Variants in DLC1 observed in about 807,000 individuals in gnomAD.
DLC1 encodes DLC1 Rho GTPase activating protein.
Under a neutral mutation model 140.3 loss-of-function variants are expected in DLC1, and 54 were observed. The ratio of observed to expected loss-of-function variants is 0.38; its 90% CI spans 0.31 to 0.48. The LOEUF (loss-of-function observed/expected upper bound fraction) is 0.48, where lower values mean the gene tolerates loss of function less well. DLC1 is among the 20% of genes least tolerant of loss of function. The pLI, the probability that DLC1 is intolerant of heterozygous loss-of-function variation, is 0.96. For synonymous variants in DLC1, 986 were observed against 728.1 expected (o/e 1.35, Z -5.70); for missense variants, 2,536 against 1,907.0 (o/e 1.33, Z -6.14).
intron 4 of DLC1, among the ~76,000 whole-genome samples, chr8:13,392,292 C>T (rs993311057): frequency 2.0e-5 from 3 of 152,090 alleles, no homozygotes; most frequent in Admixed American, 2.0e-4. Flanking sequence ...ATGTTTTATT[C>T]CTCCCCAAGT....
At chr8:13,415,700 A>T (rs1050729092) in intron 2 of DLC1, among the ~76,000 whole-genome samples, 1 of 152,098 alleles carries the variant, frequency 6.6e-6, no homozygotes, top group African/African-American at 2.4e-5. Context: ...CAACCGGCTG[A>T]TTTAATTTTT....
At chr8:13,388,230 G>T (rs569782149) in intron 4 of DLC1, among the ~76,000 whole-genome samples, 2 of 151,808 alleles carry the variant, frequency 1.3e-5, no homozygotes, top group African/African-American at 4.8e-5. Context: ...GTATTTTATT[G>T]GCATTATAAT....
At chr8:13,290,180 G>C (rs551228633) in intron 5 of DLC1, among the ~76,000 whole-genome samples, 39 of 152,274 alleles carry the variant, frequency 2.6e-4, no homozygotes, top group African/African-American at 9.1e-4. Context: ...TAAGCCTTAA[G>C]ATGTTGTTTT....
chr8:13,498,797 T>C (rs1465069321), intron 2 of DLC1: 2 of 381,476 alleles, frequency 5.2e-6, no homozygotes, highest in Non-Finnish European at 9.1e-6. Context: ...CCAATCCTGT[T>C]TTCAACACAA....
Position 13,390,312 on chromosome 8 carries a change from G to C in DLC1, c.1314+3241C>G, listed in dbSNP as rs149670867. Among the ~76,000 whole-genome samples the C allele has an allele frequency of 5.8e-4, 89 of 152,256 alleles. 1 individual carries two copies. Among genetic ancestry groups the C allele is most frequent in the African/African-American group, 2.1e-3 (87 of 41,556 alleles). ...GGACATGGTCTCATTCCTTTTTATG[G>C]CTGCATAGTATTCCATGGTGTATAT... On this transcript the variant is annotated intron_variant, in intron 4 of 17. Transcript: ENST00000276297.
At chr8:13,355,056 C>T (rs2117048396) in intron 4 of DLC1, among the ~76,000 whole-genome samples, 1 of 151,892 alleles carries the variant, frequency 6.6e-6, no homozygotes, top group East Asian at 1.9e-4. Flanking sequence ...TAGTCATAAT[C>T]ATCTTACTGC....
intron 1 of DLC1, chr8:13,559,198 C>T (rs1354635694): frequency 6.6e-6 from 1 of 152,196 alleles, no homozygotes. Context: ...TAGTGCATAC[C>T]TCTCAGCCTT....
intron 1 of DLC1, among the ~76,000 whole-genome samples, chr8:13,547,238 A>C (rs1371688750): frequency 2.0e-5 from 3 of 152,066 alleles, no homozygotes; most frequent in Admixed American, 6.6e-5. Flanking sequence ...CCTTCTGAAT[A>C]TTTTTAGTAA....
At chr8:13,595,848 A>G (rs1805664331) in intron 1 of DLC1, among the ~76,000 whole-genome samples, 1 of 152,028 alleles carries the variant, frequency 6.6e-6, no homozygotes, top group African/African-American at 2.4e-5. Context: ...CAACCTAAAT[A>G]AAATGTTTCC....
chr8:13,194,348 C>T (rs1826931121), intron 5 of DLC1, among the ~76,000 whole-genome samples: 1 of 152,188 alleles, frequency 6.6e-6, no homozygotes, highest in African/African-American at 2.4e-5. Flanking sequence ...GAGTGGGCAG[C>T]TATGAATCAT....
At chr8:13,140,180 G>C (rs1479163197) in intron 5 of DLC1, among the ~76,000 whole-genome samples, 2 of 152,066 alleles carry the variant, frequency 1.3e-5, no homozygotes, top group Admixed American at 6.6e-5. Flanking sequence ...GCTTATAATG[G>C]TTAAATATTT....
chr8:13,508,423 C>CTTTTTT (rs11295861), intron 1 of DLC1, among the ~76,000 whole-genome samples: 1 of 146,370 alleles, frequency 6.8e-6, no homozygotes. Flanking sequence ...ACTTCTTTTT[C>CTTTTTT]TTTTTTTTTT....
intron 5 of DLC1, among the ~76,000 whole-genome samples, chr8:13,206,776 T>C (rs1230413180): frequency 4.6e-5 from 7 of 151,270 alleles, no homozygotes; most frequent in African/African-American, 1.7e-4. Context: ...AGGTAGGGAG[T>C]GGCCACAAAC....
chr8:13,603,613 C>G (rs1328013309), intron 1 of DLC1, among the ~76,000 whole-genome samples: 2 of 152,016 alleles, frequency 1.3e-5, no homozygotes, highest in African/African-American at 4.8e-5. Context: ...ATCATAGTGG[C>G]AATTTAAATC....
rs74660845 is a variant in DLC1 at position 13,575,140 on chromosome 8, G to A, written c.-126+29397C>T. On this transcript the variant is annotated intron_variant, in intron 1 of 1. Coordinates refer to the DLC1 transcript ENST00000631382. Reference sequence around the variant, plus strand: ...ACTGGCAGTCAACTCAAATTACAGCGAAAATTGCAAACTTACATCAAAGTG... The same window carrying A: ...ACTGGCAGTCAACTCAAATTACAGCAAAAATTGCAAACTTACATCAAAGTG... Among the ~76,000 whole-genome samples, 628 of 152,240 alleles carry A rather than the reference G, an allele frequency of 4.1e-3. 4 individuals carry two copies. Among genetic ancestry groups the A allele is most frequent in the Admixed American group, 0.023 (350 of 15,288 alleles).
chr8:13,422,813 A>G (rs1478274793), intron 2 of DLC1, among the ~76,000 whole-genome samples: 2 of 152,050 alleles, frequency 1.3e-5, no homozygotes, highest in African/African-American at 4.8e-5. Context: ...AAAAAAAGGA[A>G]TGCGTCCAGT....
chr8:13,258,172 A>C (rs1181539135), intron 5 of DLC1, among the ~76,000 whole-genome samples: 1 of 152,204 alleles, frequency 6.6e-6, no homozygotes, highest in Non-Finnish European at 1.5e-5. Flanking sequence ...CCTGAAGATT[A>C]ACAGTCTAAG....
At chr8:13,563,764 A>G (rs921218217) in intron 1 of DLC1, among the ~76,000 whole-genome samples, 3 of 152,228 alleles carry the variant, frequency 2.0e-5, no homozygotes, top group African/African-American at 7.2e-5. Flanking sequence ...AGCTAAAGGA[A>G]TAATTTTTCA....
chr8:13,369,830 G>C (rs1450406571), intron 4 of DLC1, among the ~76,000 whole-genome samples: 2 of 150,224 alleles, frequency 1.3e-5, no homozygotes, highest in Non-Finnish European at 2.9e-5. Context: ...TGAACCCCAA[G>C]TCGGCTCTCC....
Sources: gnomAD v4.1 joint callset for allele counts (sites outside exome capture counted in the v4.1 genomes callset) on GRCh38, gnomAD v4.1.1 for gene constraint, MANE v1.5 for transcripts, NCBI Gene and HGNC (gene_info 2026-07-23, HGNC 2026-07-21) for gene names.